The following FBXL7 variants were observed in gnomAD, a reference collection of about 807,000 sequenced individuals.
FBXL7 encodes F-box/LRR-repeat protein 7.
Under a neutral mutation model 38.3 loss-of-function variants are expected in FBXL7, and 12 were observed. The observed-to-expected ratio is 0.31, with a 90% CI of 0.20 to 0.51. FBXL7 has a LOEUF of 0.51. FBXL7 is among the 20% of genes least tolerant of loss of function. The pLI, the probability that FBXL7 is intolerant of heterozygous loss-of-function variation, is 0.98. For synonymous variants in FBXL7, 297 were observed against 300.9 expected (o/e 0.99, Z 0.13); for missense variants, 567 against 676.4 (o/e 0.84, Z 1.79).
At chr5:15,879,007 A>G (rs1740328499) in intron 2 of FBXL7, among the ~76,000 whole-genome samples, 1 of 152,234 alleles carries the variant, frequency 6.6e-6, no homozygotes, top group South Asian at 2.1e-4. Context: ...GATCAGTTGC[A>G]TCAGTTGCTC....
At chr5:15,715,751 A>G (rs1744024691) in intron 2 of FBXL7, among the ~76,000 whole-genome samples, 1 of 152,144 alleles carries the variant, frequency 6.6e-6, no homozygotes, top group Non-Finnish European at 1.5e-5. Context: ...ATCATCATTT[A>G]TTGTCTTAAT....
intron 2 of FBXL7, among the ~76,000 whole-genome samples, chr5:15,916,524 T>TA (rs1204826438): frequency 6.6e-6 from 1 of 152,182 alleles, no homozygotes; most frequent in Non-Finnish European, 1.5e-5. Context: ...GTGTATAAGT[T>TA]GTATACCACA....
At chr5:15,533,935 C>T (rs192326191) in intron 1 of FBXL7, among the ~76,000 whole-genome samples, 5 of 152,224 alleles carry the variant, frequency 3.3e-5, no homozygotes, top group Admixed American at 3.3e-4. Flanking sequence ...AAAGTGGGAA[C>T]AGCACCTTTT....
chr5:15,875,612 T>C (rs1327461904), intron 2 of FBXL7, among the ~76,000 whole-genome samples: 1 of 152,094 alleles, frequency 6.6e-6, no homozygotes, highest in Non-Finnish European at 1.5e-5. Context: ...CAGACACTTT[T>C]CAAAAGAAGA....
At chr5:15,614,474 T>C (rs1230065907) in intron 1 of FBXL7, among the ~76,000 whole-genome samples, 1 of 152,126 alleles carries the variant, frequency 6.6e-6, no homozygotes, top group Non-Finnish European at 1.5e-5. Context: ...TTCACGATGT[T>C]GGCCAGGCTA....
chr5:15,618,709 C>T (rs1740529710), intron 2 of FBXL7, among the ~76,000 whole-genome samples: 1 of 152,106 alleles, frequency 6.6e-6, no homozygotes, highest in Admixed American at 6.6e-5. Flanking sequence ...CCTAGGAAAC[C>T]ACTGAGGAAG....
intron 2 of FBXL7, among the ~76,000 whole-genome samples, chr5:15,895,843 ACT>A (rs1741088173): frequency 6.6e-6 from 1 of 150,556 alleles, no homozygotes; most frequent in African/African-American, 2.4e-5. Flanking sequence ...ACGGGGTTTC[ACT>A]CTGTTAGCCA....
intron 1 of FBXL7, among the ~76,000 whole-genome samples, chr5:15,535,981 C>T (rs1737572345): frequency 6.6e-6 from 1 of 152,270 alleles, no homozygotes; most frequent in Admixed American, 6.5e-5. Context: ...CGCCCAGGGC[C>T]TTGCTGCTCT....
At chr5:15,879,934 G>T (rs1561169816) in intron 2 of FBXL7, among the ~76,000 whole-genome samples, 1 of 152,084 alleles carries the variant, frequency 6.6e-6, no homozygotes, top group Non-Finnish European at 1.5e-5. Flanking sequence ...GAGTTTTCAA[G>T]CAATACAAAT....
intron 2 of FBXL7, among the ~76,000 whole-genome samples, chr5:15,820,054 G>T (rs571629226): frequency 6.6e-6 from 1 of 152,326 alleles, no homozygotes; most frequent in Non-Finnish European, 1.5e-5. Flanking sequence ...CTAGGGAAAA[G>T]AAATATGAGG....
intron 2 of FBXL7, among the ~76,000 whole-genome samples, chr5:15,843,381 A>G (rs1738802609): frequency 6.6e-6 from 1 of 152,174 alleles, no homozygotes; most frequent in African/African-American, 2.4e-5. Flanking sequence ...AAAGCTTCAC[A>G]AGGTCATAGA....
intron 1 of FBXL7, among the ~76,000 whole-genome samples, chr5:15,508,492 G>A (rs1435959686): frequency 6.6e-6 from 1 of 152,200 alleles, no homozygotes; most frequent in African/African-American, 2.4e-5. Context: ...TGCCCAAATC[G>A]TAGCTGGGCT....
intron 1 of FBXL7, among the ~76,000 whole-genome samples, chr5:15,554,718 G>T (rs1218822787): frequency 6.6e-6 from 1 of 152,178 alleles, no homozygotes; most frequent in Non-Finnish European, 1.5e-5. Context: ...GCATATTCAA[G>T]GTGGAAGAGC....
intron 2 of FBXL7, among the ~76,000 whole-genome samples, chr5:15,623,366 G>A (rs988384365): frequency 5.3e-5 from 8 of 152,122 alleles, no homozygotes; most frequent in Admixed American, 2.6e-4. Flanking sequence ...AGTTAATACC[G>A]CTTTGCGATA....
At chr5:15,711,549 A>G (rs1020001013) in intron 2 of FBXL7, among the ~76,000 whole-genome samples, 1 of 152,212 alleles carries the variant, frequency 6.6e-6, no homozygotes, top group African/African-American at 2.4e-5. Flanking sequence ...GGGGGATACA[A>G]TTCAATCCAT....
chr5:15,859,948 T>C (rs1739407640), intron 2 of FBXL7, among the ~76,000 whole-genome samples: 2 of 152,192 alleles, frequency 1.3e-5, no homozygotes, highest in South Asian at 4.1e-4. Flanking sequence ...ACTCATAAGT[T>C]TATCCTCTTT....
At chr5:15,728,712 A>G (rs1735490035) in intron 2 of FBXL7, among the ~76,000 whole-genome samples, 1 of 152,286 alleles carries the variant, frequency 6.6e-6, no homozygotes, top group Non-Finnish European at 1.5e-5. Flanking sequence ...CTACTTCTGT[A>G]TATTTTCTAA....
chr5:15,525,189 G>T (rs775581991), intron 1 of FBXL7, among the ~76,000 whole-genome samples: 6 of 152,162 alleles, frequency 3.9e-5, no homozygotes, highest in African/African-American at 7.2e-5. Context: ...TGAGTTGAAA[G>T]TTCCTGGCAC....
chr5:15,583,831 T>C (rs1235758123), intron 1 of FBXL7, among the ~76,000 whole-genome samples: 1 of 152,176 alleles, frequency 6.6e-6, no homozygotes, highest in Non-Finnish European at 1.5e-5. Flanking sequence ...GGACTCTGTG[T>C]GGGGGTTCTG....
Sources: allele counts gnomAD v4.1 joint callset (sites outside exome capture counted in the v4.1 genomes callset), GRCh38; gene constraint gnomAD v4.1.1; transcripts MANE v1.5; gene names NCBI Gene and HGNC (gene_info 2026-07-23, HGNC 2026-07-21).